Variants in OR2J1 observed in about 807,000 individuals in gnomAD.
OR2J1 encodes olfactory receptor family 2 subfamily J member 1, also known as olfactory receptor 2J1.
Under a neutral mutation model 10.2 loss-of-function variants are expected in OR2J1, and 10 were observed. That is an observed-to-expected ratio of 0.98 (90% CI 0.60 to 1.66). The LOEUF is 1.66. OR2J1 is among the 40% of genes most tolerant of loss of function. The probability of loss-of-function intolerance (pLI) is 0.00; values close to 1 mark genes in which losing one functional copy is unlikely to be tolerated. For missense variants in OR2J1, 317 were observed against 379.4 expected, an observed-to-expected ratio of 0.84 and a Z score of 1.37; for synonymous variants, 143 against 138.8, an observed-to-expected ratio of 1.03 and a Z score of -0.21.
chr6:29,100,713 A>G (rs1404625266), intron 1 of OR2J1, 47 bp from the exon 2 acceptor site: 1 of 426,456 alleles, frequency 2.3e-6, no homozygotes, highest in Non-Finnish European at 4.1e-6. Flanking sequence ...TCAAGGATGT[A>G]TATAAAAGAA....
rs2394518 is a variant in OR2J1, at chr6:29,101,560, A to T, written c.618A>T (p.Ile206=). 0.82 allele frequency: 1,316,256 copies of T among 1,598,762 alleles called. 545,264 individuals are homozygous for T. Among genetic ancestry groups the T allele is most frequent in the Non-Finnish European group, 0.84 (985,037 of 1,166,272 alleles). The part of the protein sequence containing the change: ...NELTLMVMSS[I]FVLIPLILIL... ...TGACCCTCATGGTCATGAGCTCCAT[A>T]TTTGTTCTCATACCTCTCATCCTCA... The change falls in exon 2 of 2, where the codon ATA becomes ATT. Residue 206 remains isoleucine (I), a synonymous_variant. Coordinates refer to ENST00000641659, the MANE Select transcript of OR2J1 (RefSeq NM_001348294.2).
chr6:29,101,691 C>G lies in OR2J1; in HGVS notation c.749C>G (p.Ser250Cys). 1.9e-6 allele frequency: 3 copies of G among 1,613,756 alleles called. No homozygotes were observed. The highest frequency in any genetic ancestry group is 2.5e-6 in the Non-Finnish European group (3 of 1,179,678). Residue 250 changes from serine to cysteine, a missense_variant, in exon 2 of 2, where the codon TCT (serine) becomes TGT (cysteine). Physicochemically the swap from Ser to Cys is moderately radical, Grantham distance 112. Coordinates refer to ENST00000641659, the MANE Select transcript of OR2J1 (RefSeq NM_001348294.2). ...RTCGAHLMVV[S>C]LFFIPVMCMY... Reference sequence around the variant, plus strand: ...TGTGGAGCCCATCTTATGGTTGTATCTCTCTTTTTCATTCCAGTCATGTGC... The same window carrying G: ...TGTGGAGCCCATCTTATGGTTGTATGTCTCTTTTTCATTCCAGTCATGTGC...
Position 29,101,350 on chromosome 6 carries a change from C to G in OR2J1, c.408C>G (p.Leu136=). 6.2e-7 allele frequency: 1 copy of G among 1,600,534 alleles called. No homozygotes were observed. The highest frequency in any genetic ancestry group is 1.1e-5 in the South Asian group (1 of 90,802). ...GTAGACCTTTGCATTACACTGTCCT[C>G]ATGCACCCTCGTTTCTGCCGCTTGT... ...AVCRPLHYTV[L]MHPRFCRLLA... is the part of the protein sequence containing the mutation. The change falls in exon 2 of 2, where the codon CTC becomes CTG. Residue 136 remains leucine (L), a synonymous_variant. Coordinates refer to ENST00000641659, the MANE Select transcript of OR2J1 (RefSeq NM_001348294.2).
In OR2J1 at chr6:29,099,972, A is replaced by C. The variant is rs1248440100; in HGVS notation, c.-184+114A>C. The C allele has an allele frequency of 3.0e-5, 4 of 135,092 alleles. No homozygotes were observed. In the East Asian group the frequency reaches 8.3e-4, roughly 28 times the overall value. 8.4% of individuals were successfully genotyped at this position (135,092 alleles called of 1,614,324 possible). ...AGGGGGATGGCAATGCTATTTAGGA[A>C]TATTGAAGAAAACCCAGAAATACAA... On this transcript the variant is annotated intron_variant, in intron 1 of 1. Transcript: ENST00000641659.
At chr6:29,100,057 T>G (rs1326097184) in intron 1 of OR2J1, among the ~76,000 whole-genome samples, 199 bp downstream of exon 1, 2 of 152,222 alleles carry the variant, frequency 1.3e-5, no homozygotes, top group African/African-American at 4.8e-5. Context: ...TAAAATTTTT[T>G]AGAAACCACA....
chr6:29,100,904 G>T lies in OR2J1; in HGVS notation c.-39G>T. 1 of 931,000 alleles carries T rather than the reference G, an allele frequency of 1.1e-6. No homozygotes were observed. The highest frequency in any genetic ancestry group is 1.7e-6 in the Non-Finnish European group (1 of 581,370). The allele number at this position is 931,000 out of a possible 1,614,324, so 57.7% of individuals were successfully genotyped here. On this transcript the variant is annotated 5_prime_UTR_variant, in exon 2 of 2. Coordinates refer to ENST00000641659, the MANE Select transcript of OR2J1 (RefSeq NM_001348294.2). ...TTGGCAATGCATGGACAGACTTTGA[G>T]TTTATGCGATTCTTTCTTTAGGTAC...
In OR2J1 at chr6:29,101,453, A is replaced by G. The variant is rs764984474; in HGVS notation, c.511A>G (p.Arg171Gly). The G allele has an allele frequency of 6.6e-7, 1 of 1,504,084 alleles. No homozygotes were observed. The highest frequency in any genetic ancestry group is 9.3e-7 in the Non-Finnish European group (1 of 1,078,400). The allele number at this position is 1,504,084 out of a possible 1,614,324, so 93.2% of individuals were successfully genotyped here. A position where few individuals can be genotyped will look rare whatever the true frequency, so the allele number is the denominator to read the frequency against. The change falls in exon 2 of 2, where the codon AGA becomes GGA. Residue 171 changes from arginine (R) to glycine (G), a missense_variant. Transcript: ENST00000641659. ...CTTTACTTTCTGGATACCCCTATGT[A>G]GACATCGCCTAGTGGATCACTTCTT... ...SSFTFWIPLC[R>G]HRLVDHFFCE...
chr6:29,101,074 G>A lies in OR2J1; in HGVS notation c.132G>A (p.Leu44=). The A allele has an allele frequency of 6.5e-7, 1 of 1,532,460 alleles. No homozygotes were observed. Among genetic ancestry groups the A allele is most frequent in the Non-Finnish European group, 9.0e-7 (1 of 1,105,804 alleles). The allele number at this position is 1,532,460 out of a possible 1,614,324, so 94.9% of individuals were successfully genotyped here. The part of the protein sequence containing the change: ...IFYLITLIGN[L]FIIILSYLDS... Reference sequence around the variant, plus strand: ...ACTTGATAACACTGATAGGAAACCTGTTCATCATCATCCTGTCATACCTGG... The same window carrying A: ...ACTTGATAACACTGATAGGAAACCTATTCATCATCATCCTGTCATACCTGG... The change falls in exon 2 of 2, where the codon CTG becomes CTA. Residue 44 remains leucine, a synonymous_variant. Coordinates refer to ENST00000641659, the MANE Select transcript of OR2J1 (RefSeq NM_001348294.2).
rs996670627 is a variant in OR2J1, at chr6:29,102,020, G to A, written c.*139G>A. 5 of 570,090 alleles carry A rather than the reference G, an allele frequency of 8.8e-6. No homozygotes were observed. The highest frequency in any genetic ancestry group is 1.9e-5 in the African/African-American group (1 of 53,378). 35.3% of individuals were successfully genotyped at this position (570,090 alleles called of 1,614,324 possible). On this transcript the variant is annotated 3_prime_UTR_variant, in exon 2 of 2. Coordinates refer to ENST00000641659, the MANE Select transcript of OR2J1 (RefSeq NM_001348294.2). ...GTTCAGTTCCCCCATTTGTTGCTCTGTTTAATATTTAGTTCTGAAATATTA... is the reference window on the plus strand; with the variant it reads ...GTTCAGTTCCCCCATTTGTTGCTCTATTTAATATTTAGTTCTGAAATATTA...
chr6:29,101,843 G>A lies in OR2J1; in HGVS notation c.901G>A (p.Ala301Thr), dbSNP rs776146903. The change falls in exon 2 of 2, where the codon GCA becomes ACA. Residue 301 changes from alanine to threonine, a missense_variant. Transcript: ENST00000641659. ...YTFRNKDVRG[A>T]VKRLMGWEWG... Reference sequence around the variant, plus strand: ...TTTCAGAAACAAGGATGTAAGAGGGGCAGTGAAGAGACTAATGGGGTGGGA... The same window carrying A: ...TTTCAGAAACAAGGATGTAAGAGGGACAGTGAAGAGACTAATGGGGTGGGA... 2 of 1,477,370 alleles carry A rather than the reference G, an allele frequency of 1.4e-6. No homozygotes were observed. The highest frequency in any genetic ancestry group is 9.5e-7 in the Non-Finnish European group (1 of 1,055,788). 91.5% of individuals were successfully genotyped at this position (1,477,370 alleles called of 1,614,324 possible).
chr6:29,101,232 G>A lies in OR2J1; in HGVS notation c.290G>A (p.Gly97Asp), dbSNP rs1480713788. Residue 97 changes from glycine to aspartate, a missense_variant, in exon 2 of 2, where the codon GGT (glycine) becomes GAT (aspartate). Coordinates refer to ENST00000641659, the MANE Select transcript of OR2J1 (RefSeq NM_001348294.2). ...CCGGAAAAGACCATCTCTTATGCTGGTTGTACGGTTCAACTTTACTTTGTT... is the reference window on the plus strand; with the variant it reads ...CCGGAAAAGACCATCTCTTATGCTGATTGTACGGTTCAACTTTACTTTGTT... ...WGPEKTISYA[G>D]CTVQLYFVLA... is the part of the protein sequence containing the mutation. The A allele has an allele frequency of 3.8e-6, 6 of 1,598,796 alleles. No individual in the cohort carries two copies. The highest frequency in any genetic ancestry group is 2.2e-5 in the South Asian group (2 of 90,738).
chr6:29,099,992 A>ATAGAAAT (rs41264378), intron 1 of OR2J1, 134 bp downstream of exon 1: 1 of 69,910 alleles, frequency 1.4e-5, no homozygotes, highest in African/African-American at 4.2e-5. Flanking sequence ...AAACCCAGAA[A>ATAGAAAT]TACAAGTTGT....
Position 29,101,290 on chromosome 6 carries a change from G to A in OR2J1, c.348G>A (p.Leu116=), listed in dbSNP as rs1761588952. Residue 116 remains leucine (L), a synonymous_variant, in exon 2 of 2, where the codon CTG becomes CTA. Transcript: ENST00000641659. ...TGGGAACCGCAGAGTGTGTCCTACT[G>A]GTGGTGATGTCCTATGATCGTTATG... ...LALGTAECVL[L]VVMSYDRYAA... is the part of the protein sequence containing the mutation. The A allele has an allele frequency of 6.2e-7, 1 of 1,601,274 alleles. No homozygotes were observed. The highest frequency in any genetic ancestry group is 1.7e-5 in the Admixed American group (1 of 59,974).
Position 29,101,420 on chromosome 6 carries a change from C to A in OR2J1, c.478C>A (p.His160Asn), listed in dbSNP as rs1761601749. 1 of 1,530,210 alleles carries A rather than the reference C, an allele frequency of 6.5e-7. No homozygotes were observed. Among genetic ancestry groups the A allele is most frequent in the Middle Eastern group, 1.7e-4 (1 of 5,948 alleles). 94.8% of individuals were successfully genotyped at this position (1,530,210 alleles called of 1,614,324 possible). A position where few individuals can be genotyped will look rare whatever the true frequency, so the allele number is the denominator to read the frequency against. The stretch of plus-strand genomic sequence containing the variant: ...AAGTGGTTTTACAACCTCAGCACTT[C>A]ATTCCTCCTTTACTTTCTGGATACC... ...WVSGFTTSAL[H>N]SSFTFWIPLC... is the part of the protein sequence containing the mutation. Residue 160 changes from histidine (H) to asparagine (N), a missense_variant, in exon 2 of 2, where the codon CAT becomes AAT. By Grantham distance (68) the His-to-Asn change is moderately conservative. Coordinates refer to ENST00000641659, the MANE Select transcript of OR2J1 (RefSeq NM_001348294.2).
chr6:29,101,719 G>C lies in OR2J1; in HGVS notation c.777G>C (p.Met259Ile), dbSNP rs2150941283. The C allele has an allele frequency of 1.2e-6, 2 of 1,613,736 alleles. No individual in the cohort carries two copies. Among genetic ancestry groups the C allele is most frequent in the East Asian group, 2.2e-5 (1 of 44,878 alleles). ...TCTTTTTCATTCCAGTCATGTGCAT[G>C]TATCTCCAGCCACCATCAGAAAATT... ...VSLFFIPVMC[M>I]YLQPPSENSQ... The change falls in exon 2 of 2, where the codon ATG becomes ATC. Residue 259 changes from methionine to isoleucine, a missense_variant. Physicochemically the swap from Met to Ile is conservative, Grantham distance 10. Coordinates refer to ENST00000641659, the MANE Select transcript of OR2J1 (RefSeq NM_001348294.2).
chr6:29,100,812 T>C lies in OR2J1; in HGVS notation c.-131T>C. 1 of 601,704 alleles carries C rather than the reference T, an allele frequency of 1.7e-6. No homozygotes were observed. The highest frequency in any genetic ancestry group is 3.0e-6 in the Non-Finnish European group (1 of 336,348). 37.3% of individuals were successfully genotyped at this position (601,704 alleles called of 1,614,324 possible). On this transcript the variant is annotated 5_prime_UTR_variant, in exon 2 of 2. Coordinates refer to ENST00000641659, the MANE Select transcript of OR2J1 (RefSeq NM_001348294.2). Reference sequence around the variant, plus strand: ...AAAGGAAACTGTATAAAAATTCTACTGCCATAATGGTGCACACTATCTGGA... The same window carrying C: ...AAAGGAAACTGTATAAAAATTCTACCGCCATAATGGTGCACACTATCTGGA...
chr6:29,102,025 A>G lies in OR2J1; in HGVS notation c.*144A>G. The G allele has an allele frequency of 1.8e-6, 1 of 570,194 alleles. No homozygotes were observed. The highest frequency in any genetic ancestry group is 3.2e-5 in the Admixed American group (1 of 30,798). The allele number at this position is 570,194 out of a possible 1,614,324, so 35.3% of individuals were successfully genotyped here. A position where few individuals can be genotyped will look rare whatever the true frequency, so the allele number is the denominator to read the frequency against. On this transcript the variant is annotated 3_prime_UTR_variant, in exon 2 of 2. Transcript: ENST00000641659. Reference sequence around the variant, plus strand: ...GTTCCCCCATTTGTTGCTCTGTTTAATATTTAGTTCTGAAATATTATGTTG... The same window carrying G: ...GTTCCCCCATTTGTTGCTCTGTTTAGTATTTAGTTCTGAAATATTATGTTG...
chr6:29,101,485 A>G lies in OR2J1; in HGVS notation c.543A>G (p.Glu181=), dbSNP rs1381273114. The G allele has an allele frequency of 6.6e-7, 1 of 1,507,870 alleles. No individual in the cohort carries two copies. Among genetic ancestry groups the G allele is most frequent in the South Asian group, 1.1e-5 (1 of 89,160 alleles). The allele number at this position is 1,507,870 out of a possible 1,614,324, so 93.4% of individuals were successfully genotyped here. The change falls in exon 2 of 2, where the codon GAA becomes GAG. Residue 181 remains glutamate (E), a synonymous_variant. Transcript: ENST00000641659. ...GCCTAGTGGATCACTTCTTCTGTGA[A>G]GTTCCAGCACTTCTGCGATTATCAT... ...RHRLVDHFFC[E]VPALLRLSCV... is the part of the protein sequence containing the mutation.
In OR2J1 at chr6:29,100,900, T is replaced by A; in HGVS notation, c.-43T>A. The A allele has an allele frequency of 1.1e-6, 1 of 907,374 alleles. No individual in the cohort carries two copies. The highest frequency in any genetic ancestry group is 1.8e-6 in the Non-Finnish European group (1 of 561,632). The allele number at this position is 907,374 out of a possible 1,614,324, so 56.2% of individuals were successfully genotyped here. On this transcript the variant is annotated 5_prime_UTR_variant, in exon 2 of 2. In the 5' UTR this introduces an upstream ATG that the reference lacks. Coordinates refer to ENST00000641659, the MANE Select transcript of OR2J1 (RefSeq NM_001348294.2). ...GCAGTTGGCAATGCATGGACAGACT[T>A]TGAGTTTATGCGATTCTTTCTTTAG... is the stretch of plus-strand genomic sequence containing the variant.
Sources: gnomAD v4.1 joint callset for allele counts (sites outside exome capture counted in the v4.1 genomes callset) on GRCh38, gnomAD v4.1.1 for gene constraint, MANE v1.5 for transcripts, NCBI Gene and HGNC (gene_info 2026-07-23, HGNC 2026-07-21) for gene names.